ATP6V1C2: variants seen among roughly 807,000 people sequenced by gnomAD.
ATP6V1C2 encodes the protein V-type proton ATPase subunit C 2.
Under a neutral mutation model 56.8 loss-of-function variants are expected in ATP6V1C2, and 45 were observed. That is an observed-to-expected ratio of 0.79 (90% confidence interval 0.62 to 1.02). ATP6V1C2 has a LOEUF of 1.02. Ranked by LOEUF, ATP6V1C2 falls within the 50% of genes least tolerant of loss-of-function variation. The pLI, the probability that ATP6V1C2 is intolerant of heterozygous loss-of-function variation, is 0.00. For synonymous variants in ATP6V1C2, 220 were observed against 201.3 expected (o/e 1.09, Z -0.79); for missense variants, 463 against 519.7 (o/e 0.89, Z 1.06).
chr2:10,729,172 C>CTTTTTTTTTT lies in ATP6V1C2; in HGVS notation c.197+2604_197+2613dup, dbSNP rs372762251. Among the ~76,000 whole-genome samples, 779 of 144,854 alleles carry CTTTTTTTTTT rather than the reference C, an allele frequency of 5.4e-3. 10 individuals are homozygous for CTTTTTTTTTT. The highest frequency in any genetic ancestry group is 0.018 in the African/African-American group (685 of 38,588). On this transcript the variant is annotated intron_variant, in intron 3 of 13. Coordinates refer to ENST00000272238, the MANE Select transcript of ATP6V1C2 (RefSeq NM_001039362.2). The stretch of plus-strand genomic sequence containing the variant: ...AATCTGGTGTATAATCATTGGAAAA[C>CTTTTTTTTTT]TTTTTTTTTTGAGATAGAGTCTCAC...
rs1664064816 is a variant in ATP6V1C2 at position 10,763,829 on chromosome 2, G to A, written c.284-502G>A. Among the ~76,000 whole-genome samples the A allele has an allele frequency of 6.6e-6, 1 of 152,126 alleles. No homozygotes were observed. The highest frequency in any genetic ancestry group is 2.4e-5 in the African/African-American group (1 of 41,410). On this transcript the variant is annotated intron_variant, in intron 4 of 13. Transcript: ENST00000272238. This position sits in a 1 kb window ranked among gnomAD's most constrained non-coding sequence, Gnocchi z 4.2. ...GAGCCCTGGGGGTTGAGTCAGCTGAGGTTTATTCAGTGTTGCTTCTTTCTG... is the reference window on the plus strand; with the variant it reads ...GAGCCCTGGGGGTTGAGTCAGCTGAAGTTTATTCAGTGTTGCTTCTTTCTG...
At chr2:10,746,043 T>C (rs76819577) in intron 3 of ATP6V1C2, among the ~76,000 whole-genome samples, 4,369 of 152,192 alleles carry the variant, frequency 0.029, 204 homozygotes, top group African/African-American at 0.099. Context: ...CACCTTTTGG[T>C]TATTTTTGTT....
In ATP6V1C2 at chr2:10,778,749, CTGCCT is replaced by C. The variant is rs1431758026; in HGVS notation, c.1061+82_1061+86del. The C allele has an allele frequency of 1.3e-5, 18 of 1,335,762 alleles. No individual in the cohort carries two copies. In the East Asian group the frequency reaches 3.2e-4, roughly 24 times the overall value. The allele number at this position is 1,335,762 out of a possible 1,614,324, so 82.7% of individuals were successfully genotyped here. A position where few individuals can be genotyped will look rare whatever the true frequency, so the allele number is the denominator to read the frequency against. The stretch of plus-strand genomic sequence containing the variant: ...GGGAGCTATCGGGGCACCCCAGCTC[CTGCCT>C]TCTCTCCATCCTCCACCCGTCTCCT... On this transcript the variant is annotated intron_variant, in intron 12 of 13. Coordinates refer to ENST00000272238, the MANE Select transcript of ATP6V1C2 (RefSeq NM_001039362.2).
chr2:10,757,702 G>T (rs1431990862), intron 4 of ATP6V1C2, among the ~76,000 whole-genome samples: 1 of 152,204 alleles, frequency 6.6e-6, no homozygotes, highest in South Asian at 2.1e-4. Flanking sequence ...AGCTGGGAAC[G>T]CTTTGACCTT....
intron 4 of ATP6V1C2, among the ~76,000 whole-genome samples, chr2:10,758,375 T>A (rs1489153311): frequency 2.0e-5 from 3 of 151,924 alleles, no homozygotes; most frequent in Admixed American, 6.6e-5. Context: ...AAATTCAGCT[T>A]CATTTGTTGA....
At chr2:10,782,155 C>A in intron 12 of ATP6V1C2, 88 bp from the exon 13 acceptor site, 1 of 1,492,144 alleles carries the variant, frequency 6.7e-7, no homozygotes. Flanking sequence ...AGCTTTTCAC[C>A]CTCGGAATGT....
chr2:10,726,506 G>A lies in ATP6V1C2; in HGVS notation c.134G>A (p.Gly45Glu), dbSNP rs1473769888. The A allele has an allele frequency of 6.2e-7, 1 of 1,613,852 alleles. No individual in the cohort carries two copies. Among genetic ancestry groups the A allele is most frequent in the Non-Finnish European group, 8.5e-7 (1 of 1,179,782 alleles). The part of the protein sequence containing the change: ...TKFAIPDFKV[G>E]TLDSLVGLSD... ...ACGTTTTTATGATCTGTCTAGGTGG[G>A]GACCTTGGATTCCCTGGTTGGCCTC... Residue 45 changes from glycine to glutamate, a missense_variant, in exon 3 of 14, where the codon GGG becomes GAG. Gly to Glu is a moderately conservative substitution (Grantham distance 98). Coordinates refer to ENST00000272238, the MANE Select transcript of ATP6V1C2 (RefSeq NM_001039362.2).
rs1288268992 is a variant in ATP6V1C2 at position 10,772,694 on chromosome 2, G to A, written c.638+84G>A. ...GGCACCCAACCACCAAACATGCCCC[G>A]AGGGTGTGAGGCTCCCCAGCTTTCC... On this transcript the variant is annotated intron_variant, in intron 8 of 13. Coordinates refer to ENST00000272238, the MANE Select transcript of ATP6V1C2 (RefSeq NM_001039362.2). 4 of 1,201,656 alleles carry A rather than the reference G, an allele frequency of 3.3e-6. No homozygotes were observed. In the African/African-American group the frequency reaches 4.5e-5, roughly 14 times the overall value. 74.4% of individuals were successfully genotyped at this position (1,201,656 alleles called of 1,614,324 possible). A position where few individuals can be genotyped will look rare whatever the true frequency, so the allele number is the denominator to read the frequency against.
chr2:10,758,691 T>G (rs1663700880), intron 4 of ATP6V1C2, among the ~76,000 whole-genome samples: 2 of 149,610 alleles, frequency 1.3e-5, no homozygotes, highest in South Asian at 2.1e-4. Context: ...TGAGACGGAG[T>G]CTTGCTCTGT....
intron 3 of ATP6V1C2, among the ~76,000 whole-genome samples, chr2:10,748,712 G>A (rs1299315321): frequency 6.6e-6 from 1 of 152,128 alleles, no homozygotes; most frequent in Admixed American, 6.6e-5. Context: ...GAGAAGTGTA[G>A]ATTTATGATC....
chr2:10,784,183 G>T lies in ATP6V1C2; in HGVS notation c.*920G>T. Reference sequence around the variant, plus strand: ...ACTGGTAGAGTCATCTGAGTGTAGAGAATGTCCCTTCACTGCTGGAAAAAT... The same window carrying T: ...ACTGGTAGAGTCATCTGAGTGTAGATAATGTCCCTTCACTGCTGGAAAAAT... On this transcript the variant is annotated 3_prime_UTR_variant, in exon 14 of 14. Transcript: ENST00000272238. 1.8e-6 allele frequency: 2 copies of T among 1,117,650 alleles called. No individual in the cohort carries two copies. The highest frequency in any genetic ancestry group is 2.0e-4 in the Middle Eastern group (1 of 5,010). 69.2% of individuals were successfully genotyped at this position (1,117,650 alleles called of 1,614,324 possible). A position where few individuals can be genotyped will look rare whatever the true frequency, so the allele number is the denominator to read the frequency against.
chr2:10,777,326 G>A (rs1042944769), intron 10 of ATP6V1C2, among the ~76,000 whole-genome samples: 11 of 152,164 alleles, frequency 7.2e-5, no homozygotes, highest in Admixed American at 3.9e-4. Context: ...GGAGCTCAGG[G>A]CTGACCCCTC....
intron 3 of ATP6V1C2, among the ~76,000 whole-genome samples, chr2:10,748,886 T>C (rs1045987690): frequency 1.3e-5 from 2 of 152,014 alleles, no homozygotes; most frequent in Admixed American, 1.3e-4. Context: ...TCCCAGCACT[T>C]TGGGCGGCCG....
In ATP6V1C2 at chr2:10,780,863, C is replaced by T. The variant is rs1289288190; in HGVS notation, c.1062-1380C>T. The stretch of plus-strand genomic sequence containing the variant: ...GGTTCAAGCAATTCTCCTGCCTCAG[C>T]CTCCCCTAGTAGCTGGGATTACAGG... On this transcript the variant is annotated intron_variant, in intron 12 of 13. Coordinates refer to ENST00000272238, the MANE Select transcript of ATP6V1C2 (RefSeq NM_001039362.2). The surrounding 1 kb of genome is among the most constrained non-coding windows in gnomAD (Gnocchi z 4.1). Among the ~76,000 whole-genome samples, 1 of 152,110 alleles carries T rather than the reference C, an allele frequency of 6.6e-6. No individual in the cohort carries two copies. The highest frequency in any genetic ancestry group is 1.9e-4 in the East Asian group (1 of 5,180).
intron 3 of ATP6V1C2, among the ~76,000 whole-genome samples, chr2:10,752,354 C>T (rs1038706041): frequency 7.9e-5 from 12 of 152,204 alleles, no homozygotes; most frequent in Non-Finnish European, 1.6e-4. Context: ...CTCTGGGCTC[C>T]GGTCTGAGTG....
intron 2 of ATP6V1C2, among the ~76,000 whole-genome samples, chr2:10,724,169 G>A (rs1661513335): frequency 6.6e-6 from 1 of 152,210 alleles, no homozygotes; most frequent in Non-Finnish European, 1.5e-5. Flanking sequence ...CATGGCACAG[G>A]TGCTGGTGAG....
intron 3 of ATP6V1C2, among the ~76,000 whole-genome samples, chr2:10,741,623 G>A (rs2148435037): frequency 6.6e-6 from 1 of 152,294 alleles, no homozygotes; most frequent in African/African-American, 2.4e-5. Context: ...TTTCACGGAT[G>A]GAGACTGGCT....
At chr2:10,756,395 T>G (rs1011989806) in intron 4 of ATP6V1C2, among the ~76,000 whole-genome samples, 1 of 151,466 alleles carries the variant, frequency 6.6e-6, no homozygotes, top group Non-Finnish European at 1.5e-5. Flanking sequence ...TAATACTGTA[T>G]TTTTACTGTA....
At chr2:10,740,575 TGGG>T in intron 3 of ATP6V1C2, among the ~76,000 whole-genome samples, 1 of 152,346 alleles carries the variant, frequency 6.6e-6, no homozygotes, top group East Asian at 1.9e-4. Flanking sequence ...CCCAAATGCT[TGGG>T]GGATTGCCCA....
Sources: gnomAD v4.1 joint callset for allele counts (sites outside exome capture counted in the v4.1 genomes callset) on GRCh38, gnomAD v4.1.1 for gene constraint, Gnocchi (gnomAD v3.1) non-coding constraint, MANE v1.5 for transcripts, NCBI Gene and HGNC (gene_info 2026-07-23, HGNC 2026-07-21) for gene names.